Variants in XKR9 observed in about 807,000 individuals in gnomAD.
The protein encoded by XKR9 is XK-related protein 9.
In XKR9, 32 loss-of-function variants were observed where a neutral mutation model predicts 32.0. The observed-to-expected ratio is 1.00, with a 90% confidence interval of 0.76 to 1.34. The LOEUF (loss-of-function observed/expected upper bound fraction) is 1.34. Among genes scored for constraint, XKR9 ranks in the 40% most tolerant of loss-of-function variants. XKR9 has a pLI of 0.00. For synonymous variants in XKR9, 168 were observed against 143.4 expected, an observed-to-expected ratio of 1.17 and a Z score of -1.22; for missense variants, 546 against 429.7, an observed-to-expected ratio of 1.27 and a Z score of -2.39.
At chr8:70,715,468 GA>G (rs1806057301) in intron 4 of XKR9, among the ~76,000 whole-genome samples, 1 of 152,114 alleles carries the variant, frequency 6.6e-6, no homozygotes, top group South Asian at 2.1e-4. Flanking sequence ...GAGAGTCCCT[GA>G]AATTTAAGCT....
chr8:70,797,484 A>T, the XKR9 span, among the ~76,000 whole-genome samples: 4 of 152,114 alleles, frequency 2.6e-5, no homozygotes, highest in Non-Finnish European at 5.9e-5. Flanking sequence ...AACTCTTATC[A>T]GATATGATCC....
chr8:70,849,753 T>C, the XKR9 span, among the ~76,000 whole-genome samples: 5 of 151,462 alleles, frequency 3.3e-5, no homozygotes, highest in African/African-American at 9.7e-5. Flanking sequence ...GAGAGAAGAA[T>C]CAAATAGACA....
intron 2 of XKR9, among the ~76,000 whole-genome samples, chr8:70,784,871 C>A (rs1807662561): frequency 6.6e-6 from 1 of 151,466 alleles, no homozygotes; most frequent in Non-Finnish European, 1.5e-5. Context: ...TACATTTCTT[C>A]TATACCTAAT....
rs1306632802 is a variant in XKR9 at position 70,671,574 on chromosome 8, A to C, written c.-361+2036A>C. ...GTTCAATTCCCACCTATGAGTGAGA[A>C]TATGCGGTGTTTGGTTTTTTGTTCT... On this transcript the variant is annotated intron_variant, in intron 1 of 4. Transcript: ENST00000408926. 2.4e-5 allele frequency among the ~76,000 whole-genome samples: 2 copies of C among 84,874 alleles called. 1 individual carries two copies. Among genetic ancestry groups the C allele is most frequent in the Non-Finnish European group, 6.1e-5 (2 of 32,842 alleles). The allele number at this position is 84,874 out of a possible 152,430, so 55.7% of individuals were successfully genotyped here.
chr8:70,874,080 G>A, the XKR9 span, among the ~76,000 whole-genome samples: 1 of 152,186 alleles, frequency 6.6e-6, no homozygotes, highest in African/African-American at 2.4e-5. Flanking sequence ...TTTAAATTAA[G>A]GTATGTACTC....
chr8:70,962,027 A>G, the XKR9 span, among the ~76,000 whole-genome samples: 1 of 152,164 alleles, frequency 6.6e-6, no homozygotes, highest in African/African-American at 2.4e-5. Context: ...TTGATCTGTC[A>G]TGTTATTAAT....
At chr8:71,061,437 G>C in the XKR9 span, among the ~76,000 whole-genome samples, 1 of 152,120 alleles carries the variant, frequency 6.6e-6, no homozygotes, top group African/African-American at 2.4e-5. Context: ...GTACCATCTG[G>C]CCCATCATCT....
At chr8:71,016,404 T>C in the XKR9 span, among the ~76,000 whole-genome samples, 3 of 152,122 alleles carry the variant, frequency 2.0e-5, no homozygotes, top group Non-Finnish European at 2.9e-5. Context: ...GTAGAGAGTT[T>C]AAATCTGTGT....
chr8:70,806,082 C>T, the XKR9 span, among the ~76,000 whole-genome samples: 1 of 152,188 alleles, frequency 6.6e-6, no homozygotes, highest in African/African-American at 2.4e-5. Context: ...TGTTCTCAGC[C>T]TCCTTGAGTG....
the XKR9 span, among the ~76,000 whole-genome samples, chr8:71,045,599 A>G: frequency 6.6e-6 from 1 of 152,210 alleles, no homozygotes; most frequent in African/African-American, 2.4e-5. Context: ...GATGGGAGGC[A>G]ACAGGGCCTT....
In XKR9 at chr8:70,681,333, G is replaced by T; in HGVS notation, c.272+3G>T. Reference sequence around the variant, plus strand: ...TTGCAAGGAGGAGTTTTTACAAGGTGAGCATACATGTTTAATCATTACCAC... The same window carrying T: ...TTGCAAGGAGGAGTTTTTACAAGGTTAGCATACATGTTTAATCATTACCAC... On this transcript the variant is annotated splice_donor_region_variant and intron_variant, in intron 3 of 4. Transcript: ENST00000408926. 6.2e-7 allele frequency: 1 copy of T among 1,607,798 alleles called. No individual in the cohort carries two copies. Among genetic ancestry groups the T allele is most frequent in the South Asian group, 1.1e-5 (1 of 90,248 alleles).
chr8:70,750,263 A>G (rs12681114), intron 2 of XKR9, among the ~76,000 whole-genome samples: 48,145 of 151,722 alleles, frequency 0.32, 8,931 homozygotes, highest in Non-Finnish European at 0.43. Flanking sequence ...TGAACTCTGC[A>G]TAGAATTTCT....
chr8:70,872,743 C>G, the XKR9 span, among the ~76,000 whole-genome samples: 1 of 152,116 alleles, frequency 6.6e-6, no homozygotes, highest in African/African-American at 2.4e-5. Context: ...TCACTGCAAC[C>G]TCTTCCTCCC....
intron 4 of XKR9, among the ~76,000 whole-genome samples, chr8:70,711,483 A>G (rs1315028662): frequency 6.6e-6 from 1 of 152,218 alleles, no homozygotes; most frequent in Non-Finnish European, 1.5e-5. Flanking sequence ...AGCAACATGG[A>G]TGCAGATGGA....
the XKR9 span, among the ~76,000 whole-genome samples, chr8:70,983,626 C>CA: frequency 6.6e-6 from 1 of 151,846 alleles, no homozygotes; most frequent in African/African-American, 2.4e-5. Context: ...ACTAAAAATA[C>CA]AAAAATTAGC....
chr8:70,841,109 GA>G, the XKR9 span, among the ~76,000 whole-genome samples: 4 of 151,996 alleles, frequency 2.6e-5, no homozygotes, highest in Non-Finnish European at 4.4e-5. Context: ...AATGACCTCA[GA>G]TTTTTTTTAA....
the XKR9 span, among the ~76,000 whole-genome samples, chr8:70,971,080 T>C: frequency 3.3e-5 from 5 of 152,222 alleles, no homozygotes; most frequent in Non-Finnish European, 7.3e-5. Context: ...TAGTTTTACA[T>C]TCCAACCAAC....
At chr8:70,731,811 G>T (rs1806676163) in intron 4 of XKR9, among the ~76,000 whole-genome samples, 1 of 152,108 alleles carries the variant, frequency 6.6e-6, no homozygotes, top group Admixed American at 6.5e-5. Flanking sequence ...CTCTGAGTTA[G>T]GACTGTGGGA....
the XKR9 span, among the ~76,000 whole-genome samples, chr8:71,063,935 T>A: frequency 2.0e-5 from 3 of 152,210 alleles, no homozygotes; most frequent in African/African-American, 7.2e-5. Flanking sequence ...GGTATGTATT[T>A]CTCTAAACAG....
Sources: gnomAD v4.1 joint callset for allele counts (sites outside exome capture counted in the v4.1 genomes callset) on GRCh38, gnomAD v4.1.1 for gene constraint, MANE v1.5 for transcripts, NCBI Gene and HGNC (gene_info 2026-07-23, HGNC 2026-07-21) for gene names.